The following B4GALT1 variants were observed in gnomAD, a reference collection of about 807,000 sequenced individuals.
The protein encoded by B4GALT1 is N-acetyllactosamine synthase.
A neutral mutation model predicts 34.9 loss-of-function variants in B4GALT1; 16 were observed. The observed-to-expected ratio is 0.46, with a 90% CI of 0.31 to 0.70. The LOEUF (loss-of-function observed/expected upper bound fraction) is 0.70. B4GALT1 is among the 30% of genes least tolerant of loss of function. B4GALT1 has a pLI of 0.05. For synonymous variants in B4GALT1, 221 were observed against 218.1 expected (o/e 1.01, Z -0.12); for missense variants, 445 against 530.5 (o/e 0.84, Z 1.58).
upstream of B4GALT1, among the ~76,000 whole-genome samples, chr9:33,170,171 C>T (rs912279831): frequency 6.6e-6 from 1 of 151,566 alleles, no homozygotes; most frequent in Non-Finnish European, 1.5e-5. Flanking sequence ...GGGGTTTCAC[C>T]GTGTTATCCA....
the B4GALT1 span, among the ~76,000 whole-genome samples, chr9:33,177,855 T>C: frequency 6.6e-6 from 1 of 152,186 alleles, no homozygotes; most frequent in Non-Finnish European, 1.5e-5. Context: ...GGAGCTCAGC[T>C]GGAACTGTTA....
chr9:33,158,091 A>G (rs1447739620), intron 1 of B4GALT1, among the ~76,000 whole-genome samples: 2 of 152,180 alleles, frequency 1.3e-5, no homozygotes, highest in Non-Finnish European at 2.9e-5. Flanking sequence ...GGAATTCCAG[A>G]GGCCTTTCAC....
In B4GALT1 at chr9:33,139,142, A is replaced by G. The variant is rs559956319; in HGVS notation, c.413-3718T>C. On this transcript the variant is annotated intron_variant, in intron 1 of 5. Coordinates refer to ENST00000379731, the MANE Select transcript of B4GALT1 (RefSeq NM_001497.4). Reference sequence around the variant, plus strand: ...TCAAGACCACTTTCAATTTGTTTCAATTGATACTTTCTGGGTACCTACTGT... The same window carrying G: ...TCAAGACCACTTTCAATTTGTTTCAGTTGATACTTTCTGGGTACCTACTGT... 8.5e-5 allele frequency among the ~76,000 whole-genome samples: 13 copies of G among 152,274 alleles called. No individual in the cohort carries two copies. In the Middle Eastern group the frequency reaches 0.017, roughly 199 times the overall value.
At chr9:33,172,248 T>G (rs1472744109), upstream of B4GALT1, among the ~76,000 whole-genome samples, 2 of 152,108 alleles carry the variant, frequency 1.3e-5, no homozygotes, top group African/African-American at 4.8e-5. Context: ...AAGGTAGTGT[T>G]TTTATCAGAA....
At chr9:33,167,460 T>G (rs977078250), upstream of B4GALT1, 2 of 111,634 alleles carry the variant, frequency 1.8e-5, no homozygotes, top group Non-Finnish European at 3.8e-5. Flanking sequence ...CGTGGCGGGA[T>G]GGGCGCGCTG....
At chr9:33,151,417 C>T (rs1328899) in intron 1 of B4GALT1, among the ~76,000 whole-genome samples, 3,837 of 152,238 alleles carry the variant, frequency 0.025, 67 homozygotes, top group Middle Eastern at 0.061. Context: ...CTTCTCTCTC[C>T]ACCTAGAACC....
At chr9:33,152,576 A>G (rs1173706800) in intron 1 of B4GALT1, among the ~76,000 whole-genome samples, 1 of 151,872 alleles carries the variant, frequency 6.6e-6, no homozygotes, top group Non-Finnish European at 1.5e-5. Context: ...AAAGGGTTAA[A>G]AAAAAGAAAA....
chr9:33,148,480 G>T (rs1314882250), intron 1 of B4GALT1, among the ~76,000 whole-genome samples: 3 of 152,164 alleles, frequency 2.0e-5, no homozygotes, highest in Non-Finnish European at 4.4e-5. Flanking sequence ...TAAAGGAAAC[G>T]TTTAAGGATT....
chr9:33,123,803 C>T (rs988244323), intron 2 of B4GALT1, among the ~76,000 whole-genome samples: 1 of 152,224 alleles, frequency 6.6e-6, no homozygotes, highest in Non-Finnish European at 1.5e-5. Context: ...TGAGCAATGG[C>T]ACCCTGGAGG....
chr9:33,150,762 C>T (rs1248824405), intron 1 of B4GALT1, among the ~76,000 whole-genome samples: 4 of 152,120 alleles, frequency 2.6e-5, no homozygotes, highest in African/African-American at 7.2e-5. Flanking sequence ...GTTAAGAATA[C>T]ATCTATGTAT....
intron 1 of B4GALT1, 21 bp downstream of exon 1, chr9:33,166,737 G>A: frequency 6.7e-7 from 1 of 1,493,508 alleles, no homozygotes; most frequent in South Asian, 1.3e-5. Flanking sequence ...TCCTCCGACT[G>A]GCGCCGACCC....
chr9:33,158,182 G>A (rs1035997826), intron 1 of B4GALT1, among the ~76,000 whole-genome samples: 4 of 152,146 alleles, frequency 2.6e-5, no homozygotes, highest in Admixed American at 2.0e-4. Context: ...CTAAAGACCA[G>A]CAGGCCCAGC....
At chr9:33,158,670 G>A (rs1420657803) in intron 1 of B4GALT1, among the ~76,000 whole-genome samples, 1 of 152,122 alleles carries the variant, frequency 6.6e-6, no homozygotes, top group Non-Finnish European at 1.5e-5. Flanking sequence ...TCAACGTCTG[G>A]AAGAGAGGTC....
At chr9:33,114,271 C>A (rs187471354) in intron 4 of B4GALT1, among the ~76,000 whole-genome samples, 77 of 152,282 alleles carry the variant, frequency 5.1e-4, no homozygotes, top group Non-Finnish European at 4.4e-5. Flanking sequence ...TAGGCAGAGC[C>A]CAGTTGAGGA....
chr9:33,182,477 A>G, the B4GALT1 span, among the ~76,000 whole-genome samples: 9 of 152,230 alleles, frequency 5.9e-5, no homozygotes, highest in African/African-American at 2.2e-4. Context: ...AAATAAGCCA[A>G]AAAGGAAGCT....
chr9:33,113,725 C>G (rs748669137), intron 5 of B4GALT1, 49 bp downstream of exon 5: 1 of 1,611,132 alleles, frequency 6.2e-7, no homozygotes. Flanking sequence ...GGACCTGCAG[C>G]CTACCTCATC....
At chr9:33,180,712 G>A in the B4GALT1 span, among the ~76,000 whole-genome samples, 2 of 152,252 alleles carry the variant, frequency 1.3e-5, no homozygotes, top group East Asian at 1.9e-4. Flanking sequence ...GGGAATGACC[G>A]AGCCAATTCA....
At chr9:33,165,615 G>A (rs1840739285) in intron 1 of B4GALT1, among the ~76,000 whole-genome samples, 2 of 152,180 alleles carry the variant, frequency 1.3e-5, no homozygotes, top group African/African-American at 4.8e-5. Flanking sequence ...TAGTAGCCAG[G>A]GCTCTGTGGG....
chr9:33,166,613 C>A, intron 1 of B4GALT1, 145 bp downstream of exon 1: 2 of 1,058,782 alleles, frequency 1.9e-6, no homozygotes, highest in Non-Finnish European at 2.6e-6. Flanking sequence ...CAGTCCCAAG[C>A]CTCTGTCTGG....
Sources: gnomAD v4.1 joint callset for allele counts (sites outside exome capture counted in the v4.1 genomes callset) on GRCh38, gnomAD v4.1.1 for gene constraint, MANE v1.5 for transcripts, NCBI Gene and HGNC (gene_info 2026-07-23, HGNC 2026-07-21) for gene names.